TMCC1: variants seen among roughly 807,000 people sequenced by gnomAD.
The protein encoded by TMCC1 is transmembrane and coiled-coil domains protein 1.
Under a neutral mutation model 52.4 loss-of-function variants are expected in TMCC1, and 15 were observed. The observed-to-expected ratio is 0.29, with a 90% CI of 0.19 to 0.44. The LOEUF (loss-of-function observed/expected upper bound fraction) is 0.44. Among genes scored for constraint, TMCC1 ranks in the 20% least tolerant of loss-of-function variants. The probability of loss-of-function intolerance (pLI) is 1.00; values close to 1 mark genes in which losing one functional copy is unlikely to be tolerated. For synonymous variants in TMCC1, 279 were observed against 301.9 expected, an observed-to-expected ratio of 0.92 and a Z score of 0.79; for missense variants, 503 against 806.0, an observed-to-expected ratio of 0.62 and a Z score of 4.55.
intron 2 of TMCC1, among the ~76,000 whole-genome samples, chr3:129,857,739 T>TC (rs1382750615): frequency 6.6e-6 from 1 of 151,350 alleles, no homozygotes; most frequent in South Asian, 2.1e-4. Context: ...TTTTTTGTAT[T>TC]TTTTTAGTAG....
chr3:129,888,610 G>A (rs2061827887), intron 1 of TMCC1, among the ~76,000 whole-genome samples: 1 of 152,164 alleles, frequency 6.6e-6, no homozygotes, highest in African/African-American at 2.4e-5. Flanking sequence ...GGATACAGGA[G>A]CCAACTTAAA....
intron 4 of TMCC1, 147 bp from the exon 5 acceptor site, chr3:129,671,411 G>A (rs1353689169): frequency 1.2e-6 from 1 of 823,286 alleles, no homozygotes; most frequent in Non-Finnish European, 1.8e-6. Context: ...TGCCAGCCCT[G>A]TCTCCCTCTT....
chr3:129,704,875 G>A (rs1416972908), intron 4 of TMCC1, among the ~76,000 whole-genome samples: 1 of 152,148 alleles, frequency 6.6e-6, no homozygotes, highest in Non-Finnish European at 1.5e-5. Context: ...ACAAGTTGGA[G>A]CCAGAAGACA....
chr3:129,751,211 C>A (rs527490551), intron 4 of TMCC1, among the ~76,000 whole-genome samples: 12 of 150,942 alleles, frequency 8.0e-5, no homozygotes, highest in African/African-American at 2.9e-4. Context: ...AAAAACAAAA[C>A]AAAACAAAAA....
intron 4 of TMCC1, among the ~76,000 whole-genome samples, chr3:129,677,728 G>A (rs1284899707): frequency 6.6e-6 from 1 of 152,178 alleles, no homozygotes; most frequent in African/African-American, 2.4e-5. Context: ...CTTGTGAAGA[G>A]TAGAGGGTCC....
intron 4 of TMCC1, among the ~76,000 whole-genome samples, chr3:129,784,640 T>A (rs1576832068): frequency 6.7e-6 from 1 of 148,166 alleles, no homozygotes; most frequent in African/African-American, 2.5e-5. Context: ...GGGAGAAGAG[T>A]GTGTGGAGGG....
intron 2 of TMCC1, among the ~76,000 whole-genome samples, chr3:129,842,409 T>C (rs112596279): frequency 0.097 from 14,731 of 151,862 alleles, 840 homozygotes; most frequent in Middle Eastern, 0.16. Context: ...GAAGTTGCAG[T>C]GAGCAGAGAT....
At chr3:129,784,370 A>G (rs2055802484) in intron 4 of TMCC1, among the ~76,000 whole-genome samples, 1 of 150,474 alleles carries the variant, frequency 6.6e-6, no homozygotes, top group Non-Finnish European at 1.5e-5. Flanking sequence ...CGAGGTCAGG[A>G]AATCGAGACC....
chr3:129,872,646 C>T (rs920012063), intron 2 of TMCC1, among the ~76,000 whole-genome samples: 9 of 152,150 alleles, frequency 5.9e-5, no homozygotes, highest in South Asian at 2.1e-4. Context: ...GGAGATGAGG[C>T]GCCATGATGC....
At chr3:129,864,417 A>G (rs1297115850) in intron 2 of TMCC1, among the ~76,000 whole-genome samples, 2 of 152,058 alleles carry the variant, frequency 1.3e-5, no homozygotes, top group Middle Eastern at 3.2e-3. Flanking sequence ...AACTGCACTC[A>G]GGAAAAAAAT....
At chr3:129,704,925 C>G (rs942189974) in intron 4 of TMCC1, among the ~76,000 whole-genome samples, 4 of 152,102 alleles carry the variant, frequency 2.6e-5, no homozygotes, top group Non-Finnish European at 5.9e-5. Context: ...TCAATGTATA[C>G]ACAATAGGCA....
At chr3:129,672,798 T>A (rs1255012714) in intron 4 of TMCC1, among the ~76,000 whole-genome samples, 1 of 152,202 alleles carries the variant, frequency 6.6e-6, no homozygotes, top group African/African-American at 2.4e-5. Context: ...TTCTTCCTCA[T>A]ATTTTCATGA....
intron 4 of TMCC1, among the ~76,000 whole-genome samples, chr3:129,801,278 ACCT>A (rs927384648): frequency 1.8e-4 from 27 of 148,950 alleles, no homozygotes; most frequent in African/African-American, 5.9e-4. Context: ...ATTATCTATG[ACCT>A]CCTTTTTTTT....
chr3:129,659,739 G>A (rs916535211), intron 5 of TMCC1, among the ~76,000 whole-genome samples: 12 of 152,154 alleles, frequency 7.9e-5, no homozygotes, highest in Non-Finnish European at 1.8e-4. Context: ...ATGTCTAGAG[G>A]TGCTCCATCT....
intron 4 of TMCC1, among the ~76,000 whole-genome samples, chr3:129,794,843 CAG>C (rs1375651433): frequency 6.6e-6 from 1 of 152,150 alleles, no homozygotes; most frequent in Non-Finnish European, 1.5e-5. Context: ...GTCCCAGCAG[CAG>C]AGAGTGTCCA....
At chr3:129,816,271 C>T (rs528270416) in intron 4 of TMCC1, among the ~76,000 whole-genome samples, 1 of 152,270 alleles carries the variant, frequency 6.6e-6, no homozygotes, top group African/African-American at 2.4e-5. Flanking sequence ...ATCAAACAGA[C>T]ATCTGCATTG....
chr3:129,707,281 ATG>A (rs1423968427), intron 4 of TMCC1, among the ~76,000 whole-genome samples: 28 of 152,330 alleles, frequency 1.8e-4, no homozygotes, highest in African/African-American at 5.1e-4. Flanking sequence ...CCTCAAATAC[ATG>A]CTTATATTAA....
chr3:129,669,985 C>G lies in TMCC1; in HGVS notation c.1511+345G>C, dbSNP rs143772853. On this transcript the variant is annotated intron_variant, in intron 5 of 6. Transcript: ENST00000393238. ...TACCTATAGAAGTCACTACATTTTG[C>G]TTGGGTGATATCTTTGATATCTACA... Among the ~76,000 whole-genome samples, 1,193 of 149,578 alleles carry G rather than the reference C, an allele frequency of 8.0e-3. 8 individuals carry two copies. The highest frequency in any genetic ancestry group is 0.024 in the Middle Eastern group (7 of 292).
intron 1 of TMCC1, among the ~76,000 whole-genome samples, chr3:129,885,033 G>A (rs1360617385): frequency 2.6e-5 from 4 of 151,982 alleles, no homozygotes; most frequent in Non-Finnish European, 5.9e-5. Context: ...CAGCTACTCG[G>A]GGAGCTGAGG....
Sources: gnomAD v4.1 joint callset for allele counts (sites outside exome capture counted in the v4.1 genomes callset) on GRCh38, gnomAD v4.1.1 for gene constraint, MANE v1.5 for transcripts, NCBI Gene and HGNC (gene_info 2026-07-23, HGNC 2026-07-21) for gene names.